The following VWA3B variants were observed in gnomAD, a reference collection of about 807,000 sequenced individuals.
The protein encoded by VWA3B is von Willebrand factor A domain containing 3B, also known as von Willebrand factor A domain-containing protein 3B.
Under a neutral mutation model 158.3 loss-of-function variants are expected in VWA3B, and 138 were observed. That is an observed-to-expected ratio of 0.87 (90% CI 0.76 to 1.00). VWA3B has a LOEUF of 1.00. Among genes scored for constraint, VWA3B ranks in the 50% least tolerant of loss-of-function variants. The pLI, the probability that VWA3B is intolerant of heterozygous loss-of-function variation, is 0.00. For missense variants in VWA3B, 1,555 were observed against 1,565.1 expected, an observed-to-expected ratio of 0.99 and a Z score of 0.11; for synonymous variants, 596 against 587.3, an observed-to-expected ratio of 1.01 and a Z score of -0.21.
At chr2:98,102,885 A>G (rs1191870071) in intron 2 of VWA3B, among the ~76,000 whole-genome samples, 2 of 152,228 alleles carry the variant, frequency 1.3e-5, no homozygotes, top group African/African-American at 2.4e-5. Context: ...AAAAAATTCA[A>G]TTTATTTAAT....
intron 6 of VWA3B, among the ~76,000 whole-genome samples, chr2:98,131,905 T>C (rs540029173): frequency 1.1e-4 from 17 of 152,332 alleles, no homozygotes; most frequent in African/African-American, 4.1e-4. Context: ...TTAACAAGAC[T>C]TTGGGACTCT....
chr2:98,163,885 C>T (rs1318004141), intron 8 of VWA3B, among the ~76,000 whole-genome samples: 1 of 152,142 alleles, frequency 6.6e-6, no homozygotes, highest in African/African-American at 2.4e-5. Flanking sequence ...CTGACTTAGG[C>T]TTTTTGCTAA....
chr2:98,138,182 A>G (rs916997462), intron 7 of VWA3B, among the ~76,000 whole-genome samples: 5 of 152,166 alleles, frequency 3.3e-5, no homozygotes, highest in South Asian at 2.1e-4. Flanking sequence ...ACTTGCTCTC[A>G]TGTAAGCTCT....
intron 2 of VWA3B, among the ~76,000 whole-genome samples, chr2:98,097,314 C>A (rs1015915914): frequency 6.6e-6 from 1 of 152,072 alleles, no homozygotes; most frequent in African/African-American, 2.4e-5. Flanking sequence ...CTTTGTATAC[C>A]CATAGCTTAG....
At chr2:98,146,786 A>G (rs1677205559) in intron 7 of VWA3B, among the ~76,000 whole-genome samples, 1 of 152,162 alleles carries the variant, frequency 6.6e-6, no homozygotes, top group Non-Finnish European at 1.5e-5. Flanking sequence ...ATTTACCCTC[A>G]TAATTTCTAG....
chr2:98,299,536 A>G (rs1012727908), intron 24 of VWA3B, among the ~76,000 whole-genome samples: 5 of 152,214 alleles, frequency 3.3e-5, no homozygotes, highest in African/African-American at 9.6e-5. Context: ...TAGTCAGAGC[A>G]CTGGAACACA....
the VWA3B span, among the ~76,000 whole-genome samples, chr2:98,321,030 C>A: frequency 6.6e-6 from 1 of 152,208 alleles, no homozygotes; most frequent in African/African-American, 2.4e-5. Flanking sequence ...ATGCAGCCTT[C>A]AAACAGGGTG....
At chr2:98,316,640 C>G (rs1691093329), downstream of VWA3B, among the ~76,000 whole-genome samples, 1 of 141,230 alleles carries the variant, frequency 7.1e-6, no homozygotes, top group Non-Finnish European at 1.5e-5. Context: ...AAGTGAAACT[C>G]TGTCTCAAAA....
intron 13 of VWA3B, chr2:98,216,791 T>G: frequency 1.9e-6 from 1 of 520,574 alleles, no homozygotes; most frequent in South Asian, 1.5e-5. Flanking sequence ...AGCAGCCGTT[T>G]AAGGAGGGAG....
chr2:98,250,629 G>A (rs535026259), intron 20 of VWA3B, among the ~76,000 whole-genome samples, 193 bp downstream of exon 20: 1 of 151,826 alleles, frequency 6.6e-6, no homozygotes, highest in Admixed American at 6.5e-5. Context: ...ACAGCTTGAG[G>A]CCAGGAGTTT....
chr2:98,144,930 T>C (rs1262301533), intron 7 of VWA3B, among the ~76,000 whole-genome samples: 1 of 152,256 alleles, frequency 6.6e-6, no homozygotes, highest in African/African-American at 2.4e-5. Flanking sequence ...GCTGCTACAA[T>C]GCCCTTGGCT....
At chr2:98,157,200 T>TTAGA (rs981452762) in intron 7 of VWA3B, among the ~76,000 whole-genome samples, 8 of 152,330 alleles carry the variant, frequency 5.3e-5, no homozygotes, top group African/African-American at 1.7e-4. Context: ...AAATTGCTTC[T>TTAGA]AAGATAACAT....
Position 98,312,522 on chromosome 2 carries a change from T to G in VWA3B, c.*173T>G. On this transcript the variant is annotated 3_prime_UTR_variant, in exon 28 of 28. Transcript: ENST00000477737. ...TCCCCTCCATCCCTGCTGCCTCCCC[T>G]ACCCGTTTGACGACTTGGTTCTGGC... The G allele has an allele frequency of 2.7e-6, 2 of 750,850 alleles. No individual in the cohort carries two copies. Among genetic ancestry groups the G allele is most frequent in the Non-Finnish European group, 4.1e-6 (2 of 493,000 alleles). 46.5% of individuals were successfully genotyped at this position (750,850 alleles called of 1,614,324 possible).
intron 14 of VWA3B, among the ~76,000 whole-genome samples, chr2:98,220,165 T>TAA (rs58005028): frequency 1.6e-3 from 136 of 83,578 alleles, no homozygotes; most frequent in African/African-American, 2.0e-3. Flanking sequence ...ACCTGTCTCA[T>TAA]AAAAAAAAAA....
chr2:98,104,850 T>C (rs960542546), intron 2 of VWA3B, among the ~76,000 whole-genome samples: 6 of 152,186 alleles, frequency 3.9e-5, no homozygotes, highest in Non-Finnish European at 7.4e-5. Flanking sequence ...TACAGTCCAC[T>C]AAAAGTAGAT....
chr2:98,227,490 A>G (rs1432107515), intron 14 of VWA3B, among the ~76,000 whole-genome samples: 3 of 152,206 alleles, frequency 2.0e-5, no homozygotes, highest in African/African-American at 4.8e-5. Context: ...TGAAAACAAC[A>G]TCAACAGGTG....
intron 9 of VWA3B, among the ~76,000 whole-genome samples, chr2:98,182,447 A>G (rs1229777552): frequency 6.6e-6 from 1 of 152,178 alleles, no homozygotes; most frequent in Non-Finnish European, 1.5e-5. Flanking sequence ...AAATATAAAA[A>G]CTGAATTAGA....
At chr2:98,192,703 G>A (rs1681696051) in intron 10 of VWA3B, among the ~76,000 whole-genome samples, 195 bp from the exon 11 acceptor site, 1 of 152,184 alleles carries the variant, frequency 6.6e-6, no homozygotes, top group African/African-American at 2.4e-5. Context: ...GCTTGATGGT[G>A]GGTAGTGCAT....
At position 98,093,057 on chromosome 2, in the gene VWA3B, A is replaced by G; in HGVS notation, c.-32-4A>G. The G allele has an allele frequency of 2.5e-6, 4 of 1,602,588 alleles. No homozygotes were observed. Among genetic ancestry groups the G allele is most frequent in the Non-Finnish European group, 3.4e-6 (4 of 1,171,884 alleles). On this transcript the variant is annotated splice_region_variant and splice_polypyrimidine_tract_variant and intron_variant, in intron 1 of 27. Coordinates refer to ENST00000477737, the MANE Select transcript of VWA3B (RefSeq NM_144992.5). ...GAAGTCTGAGTTTATGATTGCCCTT[A>G]CAGGAGTTTGCTGTGACTTAGATCT...
Sources: gnomAD v4.1 joint callset for allele counts (sites outside exome capture counted in the v4.1 genomes callset) on GRCh38, gnomAD v4.1.1 for gene constraint, MANE v1.5 for transcripts, NCBI Gene and HGNC (gene_info 2026-07-23, HGNC 2026-07-21) for gene names.